Variants in FMN1 observed in about 807,000 individuals in gnomAD.
FMN1 encodes formin 1.
A neutral mutation model predicts 132.4 loss-of-function variants in FMN1; 110 were observed. That is an observed-to-expected ratio of 0.83 (90% CI 0.71 to 0.97). FMN1 has a LOEUF of 0.97. FMN1 is among the 50% of genes least tolerant of loss of function. FMN1 has a pLI of 0.00. For missense variants in FMN1, 1,792 were observed against 1,705.3 expected (o/e 1.05, Z -0.90); for synonymous variants, 722 against 651.7 (o/e 1.11, Z -1.64).
intron 15 of FMN1, among the ~76,000 whole-genome samples, chr15:32,891,783 TAC>T (rs938952202): frequency 5.3e-4 from 80 of 151,948 alleles, no homozygotes; most frequent in South Asian, 2.7e-3. Context: ...TATATTACTA[TAC>T]ACACATATAT....
At chr15:33,144,412 G>T (rs1226843003) in intron 4 of FMN1, among the ~76,000 whole-genome samples, 1 of 151,922 alleles carries the variant, frequency 6.6e-6, no homozygotes, top group Admixed American at 6.6e-5. Context: ...CGAGGTGGGC[G>T]GATCATGAGG....
intron 9 of FMN1, among the ~76,000 whole-genome samples, chr15:32,958,285 C>A (rs1010212883): frequency 1.8e-4 from 28 of 152,000 alleles, no homozygotes; most frequent in African/African-American, 6.5e-4. Context: ...AAATAAATCA[C>A]CCGAATAAAA....
At chr15:33,047,115 C>T (rs894958956) in intron 6 of FMN1, among the ~76,000 whole-genome samples, 7 of 152,172 alleles carry the variant, frequency 4.6e-5, no homozygotes, top group East Asian at 1.9e-4. Context: ...TTTACAATGG[C>T]GGTCTGGCTT....
chr15:32,947,880 T>C (rs182623569), intron 9 of FMN1, among the ~76,000 whole-genome samples: 285 of 152,176 alleles, frequency 1.9e-3, no homozygotes, highest in South Asian at 5.0e-3. Flanking sequence ...CAATACAGAT[T>C]TTCTATGCTG....
At chr15:33,164,833 G>T (rs923672139) in intron 3 of FMN1, among the ~76,000 whole-genome samples, 1 of 152,034 alleles carries the variant, frequency 6.6e-6, no homozygotes, top group South Asian at 2.1e-4. Context: ...TACTTATGGG[G>T]TACATGAAAT....
chr15:32,944,375 T>C (rs986833850), intron 9 of FMN1, among the ~76,000 whole-genome samples: 1 of 152,234 alleles, frequency 6.6e-6, no homozygotes, highest in Admixed American at 6.5e-5. Context: ...ATGGCCAGTA[T>C]GGCCTGGTAG....
chr15:33,066,511 A>C, intron 5 of FMN1: 1 of 1,526,256 alleles, frequency 6.6e-7, no homozygotes, highest in Non-Finnish European at 8.8e-7. Context: ...TTCTACATAC[A>C]CTTTTGGAAT....
intron 3 of FMN1, among the ~76,000 whole-genome samples, chr15:33,162,842 C>T (rs1964949060): frequency 1.3e-5 from 2 of 152,168 alleles, no homozygotes; most frequent in South Asian, 2.1e-4. Context: ...ACAGGCCGGG[C>T]GTGGTGGCTC....
rs199774163 is a variant in FMN1, at chr15:33,163,705, C to A, written c.-131-8660G>T. Among the ~76,000 whole-genome samples the A allele has an allele frequency of 3.9e-5, 6 of 151,910 alleles. No individual in the cohort carries two copies. In the East Asian group the frequency reaches 1.2e-3, roughly 29 times the overall value. ...AGATCTTGGCTCACTGCAACCTCCA[C>A]CTCCTGGGTTCAAGTGATTCTCCTG... On this transcript the variant is annotated intron_variant, in intron 3 of 20. Coordinates refer to ENST00000616417, the MANE Select transcript of FMN1 (RefSeq NM_001277313.2).
At chr15:32,882,791 T>C (rs1036656423) in intron 16 of FMN1, among the ~76,000 whole-genome samples, 7 of 149,278 alleles carry the variant, frequency 4.7e-5, no homozygotes, top group Admixed American at 2.7e-4. Context: ...TTTAATAAAT[T>C]TGACAACCCT....
At chr15:32,956,434 T>C (rs1045063587) in intron 9 of FMN1, among the ~76,000 whole-genome samples, 2 of 152,020 alleles carry the variant, frequency 1.3e-5, no homozygotes, top group Non-Finnish European at 2.9e-5. Flanking sequence ...CCAAATAAAA[T>C]TTACAAGGTG....
intron 16 of FMN1, among the ~76,000 whole-genome samples, chr15:32,861,639 A>AAC (rs1310472225): frequency 6.6e-6 from 1 of 152,218 alleles, no homozygotes; most frequent in Non-Finnish European, 1.5e-5. Flanking sequence ...TTGGTTGGGA[A>AAC]ACATGTCAAG....
chr15:33,009,416 A>G (rs1260533726), intron 6 of FMN1, among the ~76,000 whole-genome samples: 1 of 152,158 alleles, frequency 6.6e-6, no homozygotes, highest in Non-Finnish European at 1.5e-5. Context: ...TCTCTGTTGC[A>G]GCCCATAAAG....
At chr15:32,849,251 A>G (rs1486462622) in intron 17 of FMN1, among the ~76,000 whole-genome samples, 1 of 150,560 alleles carries the variant, frequency 6.6e-6, no homozygotes, top group African/African-American at 2.5e-5. Flanking sequence ...TCGGCCTCCC[A>G]AAGTGCTGTG....
intron 3 of FMN1, among the ~76,000 whole-genome samples, chr15:33,165,541 C>A (rs1207410161): frequency 6.6e-6 from 1 of 152,178 alleles, no homozygotes; most frequent in Non-Finnish European, 1.5e-5. Context: ...CAGGCGCCCG[C>A]CACCACGCCC....
At chr15:32,966,331 T>C (rs1413060541) in intron 8 of FMN1, among the ~76,000 whole-genome samples, 2 of 152,262 alleles carry the variant, frequency 1.3e-5, no homozygotes, top group Middle Eastern at 3.4e-3. Context: ...TTTCCAATAC[T>C]GAATGAAAGA....
intron 6 of FMN1, among the ~76,000 whole-genome samples, chr15:33,049,828 C>T (rs1009048776): frequency 7.9e-5 from 12 of 152,316 alleles, no homozygotes; most frequent in African/African-American, 2.9e-4. Flanking sequence ...CTGTACGTCA[C>T]TTTCCTTTTG....
intron 16 of FMN1, among the ~76,000 whole-genome samples, chr15:32,870,399 T>C (rs950093323): frequency 2.0e-5 from 3 of 152,212 alleles, no homozygotes; most frequent in Non-Finnish European, 4.4e-5. Flanking sequence ...TTCACTCCAC[T>C]GAGGGAGGCT....
chr15:32,881,835 A>T (rs1259220111), intron 16 of FMN1, among the ~76,000 whole-genome samples: 3 of 152,144 alleles, frequency 2.0e-5, no homozygotes, highest in African/African-American at 7.2e-5. Flanking sequence ...TTACCTTCTC[A>T]TCTACATCAG....
Sources: allele counts gnomAD v4.1 joint callset (sites outside exome capture counted in the v4.1 genomes callset), GRCh38; gene constraint gnomAD v4.1.1; transcripts MANE v1.5; gene names NCBI Gene and HGNC (gene_info 2026-07-23, HGNC 2026-07-21).